Variants in CEMIP observed in about 807,000 individuals in gnomAD.
The protein encoded by CEMIP is cell migration inducing hyaluronidase 1.
A neutral mutation model predicts 156.9 loss-of-function variants in CEMIP; 105 were observed. The observed-to-expected ratio is 0.67, with a 90% CI of 0.57 to 0.79. CEMIP has a LOEUF of 0.79. Among genes scored for constraint, CEMIP ranks in the 30% least tolerant of loss-of-function variants. The probability of loss-of-function intolerance (pLI) is 0.00; values close to 1 mark genes in which losing one functional copy is unlikely to be tolerated. For synonymous variants in CEMIP, 676 were observed against 668.4 expected, an observed-to-expected ratio of 1.01 and a Z score of -0.17; for missense variants, 1,457 against 1,769.4, an observed-to-expected ratio of 0.82 and a Z score of 3.17.
At chr15:80,860,790 G>A (rs1897965786) in intron 1 of CEMIP, among the ~76,000 whole-genome samples, 1 of 151,786 alleles carries the variant, frequency 6.6e-6, no homozygotes, top group African/African-American at 2.4e-5. Context: ...CTACCCCTTA[G>A]CTGTGCTGAC....
chr15:80,903,360 C>T (rs1899656025), intron 12 of CEMIP, among the ~76,000 whole-genome samples: 1 of 152,146 alleles, frequency 6.6e-6, no homozygotes, highest in Admixed American at 6.5e-5. Flanking sequence ...GAAAGACTAA[C>T]ATTGAGTGTG....
Position 80,949,781 on chromosome 15 carries a change from T to C in CEMIP, c.*857T>C, listed in dbSNP as rs1901738677. 6.6e-6 allele frequency: 1 copy of C among 152,150 alleles called. No homozygotes were observed. The highest frequency in any genetic ancestry group is 1.5e-5 in the Non-Finnish European group (1 of 68,090). 9.4% of individuals were successfully genotyped at this position (152,150 alleles called of 1,614,324 possible). ...CACAGAGAGGTAAAATGGAGGCCAG[T>C]GCCATTTCAGAGGGGAGGCTCAGGA... On this transcript the variant is annotated 3_prime_UTR_variant, in exon 30 of 30. Transcript: ENST00000394685.
rs150163371 is a variant in CEMIP at position 80,922,047 on chromosome 15, G to A, written c.2112G>A (p.Thr704=). The change falls in exon 17 of 30, where the codon ACG becomes ACA. Residue 704 remains threonine, a synonymous_variant. Transcript: ENST00000394685. ...GGTTTATTTTTCACCACGTACCAACGGGCCCCTCCGTGGGAATGTACTCCC... is the reference window on the plus strand; with the variant it reads ...GGTTTATTTTTCACCACGTACCAACAGGCCCCTCCGTGGGAATGTACTCCC... ...GFWFIFHHVP[T]GPSVGMYSPG... The A allele has an allele frequency of 1.1e-4, 172 of 1,614,106 alleles. No homozygotes were observed. The highest frequency in any genetic ancestry group is 1.4e-4 in the Non-Finnish European group (160 of 1,180,036).
At chr15:80,806,151 G>T (rs1239214761) in intron 1 of CEMIP, among the ~76,000 whole-genome samples, 1 of 152,214 alleles carries the variant, frequency 6.6e-6, no homozygotes, top group Non-Finnish European at 1.5e-5. Context: ...GGGGAGGCTG[G>T]CATGCCCATA....
At chr15:80,862,470 C>T (rs937571020) in intron 1 of CEMIP, among the ~76,000 whole-genome samples, 2 of 152,200 alleles carry the variant, frequency 1.3e-5, no homozygotes. Context: ...GCTACCAGAG[C>T]AGCATTCATT....
chr15:80,816,564 C>T (rs1215636871), intron 1 of CEMIP, among the ~76,000 whole-genome samples: 1 of 152,150 alleles, frequency 6.6e-6, no homozygotes, highest in Non-Finnish European at 1.5e-5. Flanking sequence ...GGGAAGCCCT[C>T]CCTGATTACT....
chr15:80,806,452 G>T (rs989649514), intron 1 of CEMIP, among the ~76,000 whole-genome samples: 5 of 152,178 alleles, frequency 3.3e-5, no homozygotes, highest in Non-Finnish European at 5.9e-5. Context: ...GAAGAAAAAG[G>T]TCTCCTTGCA....
intron 22 of CEMIP, 76 bp from the exon 23 acceptor site, chr15:80,933,169 C>T: frequency 3.0e-6 from 4 of 1,334,038 alleles, no homozygotes; most frequent in Non-Finnish European, 4.3e-6. Context: ...AAATCGGAAA[C>T]CTCGCCCTGG....
intron 1 of CEMIP, among the ~76,000 whole-genome samples, chr15:80,826,495 T>C (rs188469954): frequency 4.6e-5 from 7 of 152,330 alleles, no homozygotes; most frequent in Non-Finnish European, 7.3e-5. Flanking sequence ...GGATTTTCAG[T>C]GTACAAACCA....
chr15:80,848,577 A>T (rs1897620808), intron 1 of CEMIP, among the ~76,000 whole-genome samples: 1 of 152,138 alleles, frequency 6.6e-6, no homozygotes, highest in African/African-American at 2.4e-5. Context: ...CGTCCCATTT[A>T]TGGAGGATCT....
At chr15:80,882,430 G>A (rs34997291) in intron 6 of CEMIP, among the ~76,000 whole-genome samples, 16,094 of 152,178 alleles carry the variant, frequency 0.11, 994 homozygotes, top group Non-Finnish European at 0.13. Context: ...TGCCTGTATC[G>A]CCTCCACGGA....
At chr15:80,826,961 G>A (rs1897051265) in intron 1 of CEMIP, among the ~76,000 whole-genome samples, 1 of 152,154 alleles carries the variant, frequency 6.6e-6, no homozygotes, top group Non-Finnish European at 1.5e-5. Context: ...GGAAACTGAG[G>A]CCCATTTAGA....
At chr15:80,794,291 G>C (rs1215366860) in intron 1 of CEMIP, among the ~76,000 whole-genome samples, 1 of 152,160 alleles carries the variant, frequency 6.6e-6, no homozygotes. Context: ...TTAACCAGAA[G>C]TTTTTCCTTT....
chr15:80,926,125 C>G (rs1219158364), intron 19 of CEMIP, among the ~76,000 whole-genome samples: 1 of 152,202 alleles, frequency 6.6e-6, no homozygotes, highest in Non-Finnish European at 1.5e-5. Flanking sequence ...TTCTTTCTTA[C>G]CATGTTTCTC....
intron 1 of CEMIP, among the ~76,000 whole-genome samples, chr15:80,798,614 T>C (rs61294224): frequency 0.018 from 2,709 of 152,234 alleles, 96 homozygotes; most frequent in African/African-American, 0.061. Context: ...ACTGGAGAGG[T>C]TGAAAGCCAT....
intron 1 of CEMIP, among the ~76,000 whole-genome samples, chr15:80,857,071 A>G (rs1008300723): frequency 6.6e-6 from 1 of 152,172 alleles, no homozygotes. Context: ...TCAAAGAAGG[A>G]CTCTGGCCCA....
At chr15:80,821,795 A>G (rs1304285521) in intron 1 of CEMIP, among the ~76,000 whole-genome samples, 1 of 152,220 alleles carries the variant, frequency 6.6e-6, no homozygotes, top group Non-Finnish European at 1.5e-5. Context: ...GAGAAGGAGG[A>G]CTGCCTGAAG....
chr15:80,804,552 C>T (rs1326251450), intron 1 of CEMIP, among the ~76,000 whole-genome samples: 2 of 152,192 alleles, frequency 1.3e-5, no homozygotes, highest in Non-Finnish European at 2.9e-5. Context: ...TGGCTCTAGG[C>T]TCTTGTCAGC....
intron 1 of CEMIP, among the ~76,000 whole-genome samples, chr15:80,845,375 G>A (rs1230047591): frequency 2.0e-5 from 3 of 152,148 alleles, no homozygotes; most frequent in Non-Finnish European, 4.4e-5. Context: ...AGGCTGCAGT[G>A]AGCAGTGATC....
Sources: allele counts gnomAD v4.1 joint callset (sites outside exome capture counted in the v4.1 genomes callset), GRCh38; gene constraint gnomAD v4.1.1; transcripts MANE v1.5; gene names NCBI Gene and HGNC (gene_info 2026-07-23, HGNC 2026-07-21).